Variants in GPC6 observed in about 807,000 individuals in gnomAD.
GPC6 encodes glypican 6.
In GPC6, 14 loss-of-function variants were observed where a neutral mutation model predicts 55.2. The observed-to-expected ratio is 0.25, with a 90% CI of 0.17 to 0.40. The LOEUF (loss-of-function observed/expected upper bound fraction) is 0.40, where lower values mean the gene tolerates loss of function less well. Ranked by LOEUF, GPC6 falls within the 10% of genes least tolerant of loss-of-function variation. The pLI is 1.00. For missense variants in GPC6, 641 were observed against 708.5 expected, an observed-to-expected ratio of 0.90 and a Z score of 1.08; for synonymous variants, 278 against 259.6, an observed-to-expected ratio of 1.07 and a Z score of -0.68.
chr13:93,220,257 G>T, the GPC6 span, among the ~76,000 whole-genome samples: 3 of 152,180 alleles, frequency 2.0e-5, no homozygotes, highest in Non-Finnish European at 4.4e-5. Context: ...TTATCCACTT[G>T]CCTTAAGGAA....
At chr13:94,038,013 A>T (rs1321727269) in intron 4 of GPC6, among the ~76,000 whole-genome samples, 1 of 151,992 alleles carries the variant, frequency 6.6e-6, no homozygotes, top group Non-Finnish European at 1.5e-5. Context: ...ATGTAGTTGC[A>T]TGTGGCTGTT....
chr13:93,955,125 T>A (rs1879442748), intron 3 of GPC6, among the ~76,000 whole-genome samples: 1 of 152,086 alleles, frequency 6.6e-6, no homozygotes, highest in African/African-American at 2.4e-5. Context: ...CTTCTTTTTA[T>A]CCCTGCCCTT....
At chr13:93,908,472 G>T (rs956809397) in intron 3 of GPC6, among the ~76,000 whole-genome samples, 2 of 152,200 alleles carry the variant, frequency 1.3e-5, no homozygotes, top group African/African-American at 4.8e-5. Context: ...AAGCCAGTGC[G>T]AAATCAAGCA....
chr13:93,979,285 G>C (rs1184718711), intron 3 of GPC6, among the ~76,000 whole-genome samples: 1 of 88,948 alleles, frequency 1.1e-5, no homozygotes, highest in Admixed American at 1.2e-4. Flanking sequence ...CTTCTTTTGT[G>C]TGTGTGTGTG....
chr13:94,186,015 G>A (rs1231339426), intron 4 of GPC6, among the ~76,000 whole-genome samples: 4 of 113,610 alleles, frequency 3.5e-5, no homozygotes, highest in South Asian at 3.1e-4. Flanking sequence ...AGCCGAGATC[G>A]CACCACTGCA....
At chr13:93,714,597 G>A (rs1288119694) in intron 2 of GPC6, among the ~76,000 whole-genome samples, 1 of 151,780 alleles carries the variant, frequency 6.6e-6, no homozygotes. Context: ...AAATCCAAAG[G>A]ACAAAAATCA....
rs561299787 is a variant in GPC6, at chr13:93,711,621, G to A, written c.320-118533G>A. On this transcript the variant is annotated intron_variant, in intron 2 of 8. Coordinates refer to ENST00000377047, the MANE Select transcript of GPC6 (RefSeq NM_005708.5). Reference sequence around the variant, plus strand: ...TGGTCTAAGAATCTCCAGTTGTTCTGTATTGGACATTCTTGGACTCTAATA... The same window carrying A: ...TGGTCTAAGAATCTCCAGTTGTTCTATATTGGACATTCTTGGACTCTAATA... Among the ~76,000 whole-genome samples, 11 of 150,700 alleles carry A rather than the reference G, an allele frequency of 7.3e-5. 1 individual carries two copies. The South Asian group carries it at 2.3e-3, about 32-fold the overall frequency.
At chr13:94,401,985 G>A (rs902403108) in intron 8 of GPC6, among the ~76,000 whole-genome samples, 25 of 151,882 alleles carry the variant, frequency 1.6e-4, no homozygotes, top group African/African-American at 5.6e-4. Flanking sequence ...AGACTTTATG[G>A]ATATCTATAA....
At chr13:93,505,511 C>G (rs1397517393) in intron 1 of GPC6, among the ~76,000 whole-genome samples, 2 of 152,102 alleles carry the variant, frequency 1.3e-5, no homozygotes, top group Non-Finnish European at 2.9e-5. Flanking sequence ...GCCAGTGGCA[C>G]TCAACCAACA....
intron 1 of GPC6, among the ~76,000 whole-genome samples, chr13:93,543,204 A>G (rs552707465): frequency 6.7e-4 from 102 of 152,204 alleles, no homozygotes; most frequent in Non-Finnish European, 1.2e-3. Flanking sequence ...TCCCATCAAT[A>G]CCTAATTTAT....
intron 4 of GPC6, among the ~76,000 whole-genome samples, chr13:94,176,688 A>G (rs921316314): frequency 1.3e-5 from 2 of 152,212 alleles, no homozygotes; most frequent in African/African-American, 4.8e-5. Context: ...TTCTCCTTCT[A>G]TTAAGTTATT....
intron 2 of GPC6, among the ~76,000 whole-genome samples, chr13:93,771,051 C>A (rs1885273561): frequency 6.6e-6 from 1 of 152,104 alleles, no homozygotes; most frequent in African/African-American, 2.4e-5. Context: ...CAGATCAAGC[C>A]ATTTGCTCAT....
intron 7 of GPC6, among the ~76,000 whole-genome samples, chr13:94,396,730 G>T (rs963056158): frequency 8.5e-5 from 13 of 152,334 alleles, no homozygotes; most frequent in Admixed American, 1.3e-4. Context: ...ATAAGACAAG[G>T]AGGGTCCCTG....
intron 1 of GPC6, among the ~76,000 whole-genome samples, chr13:93,506,139 A>G (rs1027304158): frequency 6.6e-6 from 1 of 152,124 alleles, no homozygotes; most frequent in East Asian, 1.9e-4. Context: ...GTATGTTAGC[A>G]TATCTGCACA....
At chr13:93,937,828 C>G (rs1213926377) in intron 3 of GPC6, among the ~76,000 whole-genome samples, 1 of 152,192 alleles carries the variant, frequency 6.6e-6, no homozygotes, top group African/African-American at 2.4e-5. Flanking sequence ...ATCCTTCTGC[C>G]TTGGCCTCCC....
rs532158226 is a variant in GPC6 at position 94,143,752 on chromosome 13, G to A, written c.877+115858G>A. Among the ~76,000 whole-genome samples the A allele has an allele frequency of 5.9e-5, 9 of 152,232 alleles. No individual in the cohort carries two copies. In the East Asian group the frequency reaches 1.7e-3, roughly 30 times the overall value. On this transcript the variant is annotated intron_variant, in intron 4 of 8. Coordinates refer to ENST00000377047, the MANE Select transcript of GPC6 (RefSeq NM_005708.5). ...AAAAATACAAAAATTAGCCAGGCGT[G>A]CACCTGTAGTCCCAGCTACCTGGGA...
chr13:93,887,581 A>G (rs953081048), intron 3 of GPC6, among the ~76,000 whole-genome samples: 1 of 152,100 alleles, frequency 6.6e-6, no homozygotes, highest in Admixed American at 6.6e-5. Flanking sequence ...CATTGACCTT[A>G]GAAGTAAAGA....
At chr13:94,031,664 A>G (rs952026438) in intron 4 of GPC6, among the ~76,000 whole-genome samples, 41 of 152,338 alleles carry the variant, frequency 2.7e-4, no homozygotes, top group African/African-American at 9.4e-4. Flanking sequence ...TGCTGCCCAA[A>G]TGCAAAATGG....
At chr13:93,877,259 C>A (rs558514597) in intron 3 of GPC6, among the ~76,000 whole-genome samples, 13 of 151,992 alleles carry the variant, frequency 8.6e-5, no homozygotes, top group African/African-American at 2.9e-4. Flanking sequence ...TTACAGTTAA[C>A]CCTTATAACA....
Sources: allele counts gnomAD v4.1 joint callset (sites outside exome capture counted in the v4.1 genomes callset), GRCh38; gene constraint gnomAD v4.1.1; transcripts MANE v1.5; gene names NCBI Gene and HGNC (gene_info 2026-07-23, HGNC 2026-07-21).